The following R3HCC1L variants were observed in gnomAD, a reference collection of about 807,000 sequenced individuals.
R3HCC1L encodes coiled-coil domain-containing protein R3HCC1L.
Under a neutral mutation model 59.9 loss-of-function variants are expected in R3HCC1L, and 51 were observed. That is an observed-to-expected ratio of 0.85 (90% CI 0.68 to 1.07). R3HCC1L has a LOEUF of 1.07. R3HCC1L is among the 50% of genes least tolerant of loss of function. The probability of loss-of-function intolerance (pLI) is 0.00; values close to 1 mark genes in which losing one functional copy is unlikely to be tolerated. For synonymous variants in R3HCC1L, 322 were observed against 315.2 expected (o/e 1.02, Z -0.23); for missense variants, 965 against 933.0 (o/e 1.03, Z -0.45).
At position 98,142,429 on chromosome 10, in the gene R3HCC1L, G is replaced by A. The variant is rs185804531; in HGVS notation, c.-268+7723G>A. 1.6e-3 allele frequency among the ~76,000 whole-genome samples: 251 copies of A among 152,140 alleles called. 2 individuals are homozygous for A. Among genetic ancestry groups the A allele is most frequent in the African/African-American group, 5.4e-3 (226 of 41,500 alleles). ...GAGGCGAGTGGATCACTTAAGGCCA[G>A]GAGTTCGAGACCAGCCCGGCCAATG... On this transcript the variant is annotated intron_variant, in intron 1 of 9. Transcript: ENST00000298999.
In R3HCC1L at chr10:98,194,005, C is replaced by G. The variant is rs374369237; in HGVS notation, c.-14-14096C>G. The stretch of plus-strand genomic sequence containing the variant: ...CCATCCTAAAATTCATATGGAATCT[C>G]AAAGGAGCCCAAATAGCCAAAGCAG... On this transcript the variant is annotated intron_variant, in intron 4 of 9. Coordinates refer to ENST00000298999, the MANE Select transcript of R3HCC1L (RefSeq NM_001351015.2). 3.3e-5 allele frequency among the ~76,000 whole-genome samples: 5 copies of G among 152,146 alleles called. No homozygotes were observed. In the South Asian group the frequency reaches 1.0e-3, roughly 32 times the overall value.
intron 5 of R3HCC1L, among the ~76,000 whole-genome samples, chr10:98,223,720 G>A (rs1050989718): frequency 1.3e-5 from 2 of 152,004 alleles, no homozygotes; most frequent in African/African-American, 4.8e-5. Context: ...CTTTGCTGGG[G>A]ATGAGGACAC....
chr10:98,236,452 G>A (rs934281671), intron 9 of R3HCC1L, among the ~76,000 whole-genome samples: 1 of 152,098 alleles, frequency 6.6e-6, no homozygotes, highest in Admixed American at 6.6e-5. Flanking sequence ...TTTTCTATGA[G>A]AAAAATTTTC....
At chr10:98,161,732 C>G (rs920418460) in intron 2 of R3HCC1L, among the ~76,000 whole-genome samples, 5 of 152,124 alleles carry the variant, frequency 3.3e-5, no homozygotes, top group African/African-American at 1.2e-4. Flanking sequence ...TATGAAATTT[C>G]CATTTGGTTT....
Position 98,141,182 on chromosome 10 carries a change from T to G in R3HCC1L, c.-268+6476T>G, listed in dbSNP as rs532098394. Among the ~76,000 whole-genome samples the G allele has an allele frequency of 6.6e-5, 10 of 152,356 alleles. 1 individual carries two copies. The South Asian group carries it at 2.1e-3, about 32-fold the overall frequency. Reference sequence around the variant, plus strand: ...ACTTAGGTACTTTCATAAACTAGTGTGTACCCATTTTATTCTCTTCCTAGA... The same window carrying G: ...ACTTAGGTACTTTCATAAACTAGTGGGTACCCATTTTATTCTCTTCCTAGA... On this transcript the variant is annotated intron_variant, in intron 1 of 9. Coordinates refer to ENST00000298999, the MANE Select transcript of R3HCC1L (RefSeq NM_001351015.2).
chr10:98,137,134 TC>T (rs952689748), intron 1 of R3HCC1L, among the ~76,000 whole-genome samples: 8 of 151,984 alleles, frequency 5.3e-5, no homozygotes, highest in Non-Finnish European at 1.5e-5. Context: ...TCGCTTGAAC[TC>T]GGGAGGCTGA....
chr10:98,232,182 G>T (rs1856475603), intron 6 of R3HCC1L, among the ~76,000 whole-genome samples: 2 of 152,002 alleles, frequency 1.3e-5, no homozygotes, highest in African/African-American at 4.8e-5. Context: ...TAGAGACAGG[G>T]TTTCACCATG....
At chr10:98,148,805 T>C (rs1845895205) in intron 1 of R3HCC1L, among the ~76,000 whole-genome samples, 1 of 152,218 alleles carries the variant, frequency 6.6e-6, no homozygotes, top group Non-Finnish European at 1.5e-5. Context: ...TACGTCTATG[T>C]TCATTAGTGA....
chr10:98,203,433 T>C (rs995942521), intron 4 of R3HCC1L, among the ~76,000 whole-genome samples: 2 of 152,198 alleles, frequency 1.3e-5, no homozygotes, highest in Non-Finnish European at 2.9e-5. Context: ...GTTAAGACAA[T>C]ATATATAGTT....
chr10:98,215,435 TA>T (rs528390783), intron 5 of R3HCC1L, among the ~76,000 whole-genome samples: 8 of 152,258 alleles, frequency 5.3e-5, no homozygotes, highest in African/African-American at 1.4e-4. Context: ...TCTTCATACA[TA>T]AAAAATGTAG....
intron 6 of R3HCC1L, among the ~76,000 whole-genome samples, chr10:98,232,030 C>T (rs1020656174): frequency 6.6e-6 from 1 of 152,016 alleles, no homozygotes; most frequent in Non-Finnish European, 1.5e-5. Flanking sequence ...TTTATTTGTC[C>T]TATCTTTTTC....
intron 5 of R3HCC1L, among the ~76,000 whole-genome samples, chr10:98,214,818 G>T (rs1853980782): frequency 6.6e-6 from 1 of 152,198 alleles, no homozygotes; most frequent in Non-Finnish European, 1.5e-5. Context: ...TTTTTTAAAA[G>T]TGGAATGTTA....
At chr10:98,207,426 T>C (rs753077068) in intron 4 of R3HCC1L, among the ~76,000 whole-genome samples, 4 of 152,198 alleles carry the variant, frequency 2.6e-5, no homozygotes, top group Admixed American at 1.3e-4. Flanking sequence ...CATCACAGTT[T>C]CCTTGGTCTT....
At chr10:98,157,734 A>G (rs1166087416) in intron 2 of R3HCC1L, among the ~76,000 whole-genome samples, 2 of 152,252 alleles carry the variant, frequency 1.3e-5, no homozygotes, top group Non-Finnish European at 2.9e-5. Flanking sequence ...TTTTAAGACA[A>G]AACAAATTGA....
chr10:98,158,759 T>C (rs1458595213), intron 2 of R3HCC1L, among the ~76,000 whole-genome samples: 1 of 152,054 alleles, frequency 6.6e-6, no homozygotes, highest in Non-Finnish European at 1.5e-5. Flanking sequence ...AGTTGTCATA[T>C]CTCTAGTTTC....
At chr10:98,195,409 A>G (rs1448074102) in intron 4 of R3HCC1L, among the ~76,000 whole-genome samples, 1 of 151,936 alleles carries the variant, frequency 6.6e-6, no homozygotes, top group Non-Finnish European at 1.5e-5. Flanking sequence ...ATACTGTGCT[A>G]TACACTTGAG....
At chr10:98,150,468 A>G (rs543459403) in intron 1 of R3HCC1L, among the ~76,000 whole-genome samples, 1 of 147,340 alleles carries the variant, frequency 6.8e-6, no homozygotes, top group Non-Finnish European at 1.5e-5. Context: ...TTTGGTTTTT[A>G]TTATGTGTTT....
intron 4 of R3HCC1L, among the ~76,000 whole-genome samples, chr10:98,167,802 T>A (rs1308523331): frequency 6.6e-6 from 1 of 152,240 alleles, no homozygotes; most frequent in Admixed American, 6.5e-5. Flanking sequence ...TAATAATAGC[T>A]ACCTCTTAGT....
intron 9 of R3HCC1L, among the ~76,000 whole-genome samples, chr10:98,242,933 A>G (rs771989207): frequency 1.3e-5 from 2 of 152,232 alleles, no homozygotes; most frequent in African/African-American, 4.8e-5. Context: ...GTTCCAGGGC[A>G]TTCTCTACCA....
Sources: gnomAD v4.1 joint callset for allele counts (sites outside exome capture counted in the v4.1 genomes callset) on GRCh38, gnomAD v4.1.1 for gene constraint, MANE v1.5 for transcripts, NCBI Gene and HGNC (gene_info 2026-07-23, HGNC 2026-07-21) for gene names.